IQCJ: variants seen among roughly 807,000 people sequenced by gnomAD.
IQCJ encodes the protein IQ domain-containing protein J.
Under a neutral mutation model 11.0 loss-of-function variants are expected in IQCJ, and 9 were observed. The observed-to-expected ratio is 0.82, with a 90% CI of 0.49 to 1.43. IQCJ has a LOEUF of 1.43. Among genes scored for constraint, IQCJ ranks in the 40% most tolerant of loss-of-function variants. The probability of loss-of-function intolerance (pLI) is 0.00; values close to 1 mark genes in which losing one functional copy is unlikely to be tolerated. For missense variants in IQCJ, 146 were observed against 133.2 expected (o/e 1.10, Z -0.47); for synonymous variants, 55 against 51.3 (o/e 1.07, Z -0.31).
chr3:159,200,696 C>T (rs970391756), intron 1 of IQCJ, among the ~76,000 whole-genome samples: 2 of 152,204 alleles, frequency 1.3e-5, no homozygotes, highest in Non-Finnish European at 1.5e-5. Context: ...ATTCATTGAG[C>T]TTCAGTCATA....
chr3:159,166,166 C>A (rs1409307538), intron 1 of IQCJ, among the ~76,000 whole-genome samples: 1 of 152,038 alleles, frequency 6.6e-6, no homozygotes, highest in Non-Finnish European at 1.5e-5. Context: ...TCCAAACAAA[C>A]CTTCCTTTTA....
intron 1 of IQCJ, among the ~76,000 whole-genome samples, chr3:159,220,052 C>T (rs528727769): frequency 4.5e-4 from 69 of 152,256 alleles, no homozygotes; most frequent in Non-Finnish European, 4.3e-4. Flanking sequence ...AAGTGGCGTG[C>T]TTCCATTCTT....
chr3:159,230,624 G>C (rs1029283417), intron 1 of IQCJ, among the ~76,000 whole-genome samples: 2 of 152,118 alleles, frequency 1.3e-5, no homozygotes, highest in Non-Finnish European at 2.9e-5. Flanking sequence ...GACATAGATG[G>C]ATTTCACCTT....
intron 1 of IQCJ, among the ~76,000 whole-genome samples, chr3:159,182,486 G>A (rs753985602): frequency 5.9e-5 from 9 of 151,986 alleles, no homozygotes; most frequent in South Asian, 2.1e-4. Flanking sequence ...CTCAGACACC[G>A]AGTTAAAGAA....
chr3:159,105,321 AC>A (rs1409763780), intron 1 of IQCJ, among the ~76,000 whole-genome samples: 1 of 152,034 alleles, frequency 6.6e-6, no homozygotes, highest in East Asian at 1.9e-4. Context: ...TACAATTACC[AC>A]CCTCCTACCT....
At chr3:159,253,422 C>G (rs528840252) in intron 3 of IQCJ, among the ~76,000 whole-genome samples, 1 of 152,192 alleles carries the variant, frequency 6.6e-6, no homozygotes, top group South Asian at 2.1e-4. Flanking sequence ...TATTATAGAA[C>G]AAAATATTAA....
intron 1 of IQCJ, among the ~76,000 whole-genome samples, chr3:159,090,799 C>G (rs1379581692): frequency 6.6e-6 from 1 of 151,834 alleles, no homozygotes; most frequent in Non-Finnish European, 1.5e-5. Context: ...TTGGGCTTCC[C>G]ACCTTTTCTT....
chr3:159,182,549 G>A (rs1408531500), intron 1 of IQCJ, among the ~76,000 whole-genome samples: 6 of 151,922 alleles, frequency 3.9e-5, no homozygotes, highest in Admixed American at 3.3e-4. Context: ...CTCAAGGGCC[G>A]AGCTCCCCGA....
At position 159,077,378 on chromosome 3, in the gene IQCJ, T is replaced by C. The variant is rs1159322211; in HGVS notation, c.9+7937T>C. 3.3e-5 allele frequency among the ~76,000 whole-genome samples: 5 copies of C among 152,150 alleles called. No individual in the cohort carries two copies. In the South Asian group the frequency reaches 6.2e-4, roughly 19 times the overall value. ...GAATTTTTCTACAGGTGAGCTCACA[T>C]AACTGAGCAAAGACATGTGGTGAAG... On this transcript the variant is annotated intron_variant, in intron 1 of 3. Coordinates refer to ENST00000397832, the MANE Select transcript of IQCJ (RefSeq NM_001042706.3).
intron 1 of IQCJ, among the ~76,000 whole-genome samples, chr3:159,241,427 A>G (rs1014086429): frequency 6.6e-6 from 1 of 152,036 alleles, no homozygotes; most frequent in Non-Finnish European, 1.5e-5. Flanking sequence ...AAAATAAAAT[A>G]AAATAAAATA....
intron 1 of IQCJ, among the ~76,000 whole-genome samples, chr3:159,178,218 T>C (rs572816016): frequency 1.4e-4 from 22 of 152,226 alleles, no homozygotes; most frequent in African/African-American, 4.8e-4. Flanking sequence ...GAAAGGTAGG[T>C]GACATGAAGT....
chr3:159,241,467 C>T (rs1726920792), intron 1 of IQCJ, among the ~76,000 whole-genome samples: 1 of 151,698 alleles, frequency 6.6e-6, no homozygotes, highest in Non-Finnish European at 1.5e-5. Flanking sequence ...CTTAAAAGTC[C>T]ATCAATGTGC....
intron 1 of IQCJ, among the ~76,000 whole-genome samples, chr3:159,201,703 C>T (rs997757462): frequency 7.7e-6 from 1 of 130,050 alleles, no homozygotes; most frequent in Non-Finnish European, 1.5e-5. Flanking sequence ...GGCGGGATCT[C>T]GGCTCACTGC....
intron 1 of IQCJ, among the ~76,000 whole-genome samples, chr3:159,244,983 T>A (rs561349661): frequency 6.6e-6 from 1 of 152,248 alleles, no homozygotes; most frequent in South Asian, 2.1e-4. Context: ...GAGTCTTCCT[T>A]AAATCCTGCC....
At chr3:159,233,278 G>C (rs981090853) in intron 1 of IQCJ, among the ~76,000 whole-genome samples, 2 of 152,128 alleles carry the variant, frequency 1.3e-5, no homozygotes, top group Non-Finnish European at 2.9e-5. Context: ...AGGGGCTTAG[G>C]CTCTATCTGC....
intron 1 of IQCJ, among the ~76,000 whole-genome samples, chr3:159,126,275 T>A (rs892916489): frequency 6.6e-6 from 1 of 152,188 alleles, no homozygotes; most frequent in Non-Finnish European, 1.5e-5. Context: ...TTTGCTCATC[T>A]AAAAAGCAGG....
chr3:159,092,931 G>A (rs1358500544), intron 1 of IQCJ, among the ~76,000 whole-genome samples: 1 of 151,586 alleles, frequency 6.6e-6, no homozygotes, highest in African/African-American at 2.4e-5. Flanking sequence ...TAAATTTTCA[G>A]TGGACTTATG....
At chr3:159,168,266 G>C (rs988965022) in intron 1 of IQCJ, among the ~76,000 whole-genome samples, 7 of 152,156 alleles carry the variant, frequency 4.6e-5, no homozygotes, top group Non-Finnish European at 1.0e-4. Flanking sequence ...GGCTGGGGAT[G>C]AACTTGAGTC....
chr3:159,247,105 T>C (rs2108199683), intron 2 of IQCJ, among the ~76,000 whole-genome samples: 1 of 152,286 alleles, frequency 6.6e-6, no homozygotes, highest in Non-Finnish European at 1.5e-5. Flanking sequence ...TTGTTGTATT[T>C]TATTTTTTTG....
Sources: gnomAD v4.1 joint callset for allele counts (sites outside exome capture counted in the v4.1 genomes callset) on GRCh38, gnomAD v4.1.1 for gene constraint, MANE v1.5 for transcripts, NCBI Gene and HGNC (gene_info 2026-07-23, HGNC 2026-07-21) for gene names.